Variants in SLC13A3 observed in about 807,000 individuals in gnomAD.
The protein encoded by SLC13A3 is Na(+)/dicarboxylate cotransporter 3.
SLC13A3 carries 40 observed loss-of-function variants against 59.0 expected under a neutral mutation model. That is an observed-to-expected ratio of 0.68 (90% CI 0.53 to 0.88). The LOEUF (loss-of-function observed/expected upper bound fraction) is 0.88. Among genes scored for constraint, SLC13A3 ranks in the 40% least tolerant of loss-of-function variants. The probability of loss-of-function intolerance (pLI) is 0.00; values close to 1 mark genes in which losing one functional copy is unlikely to be tolerated. For missense variants in SLC13A3, 699 were observed against 783.2 expected, an observed-to-expected ratio of 0.89 and a Z score of 1.28; for synonymous variants, 317 against 330.3, an observed-to-expected ratio of 0.96 and a Z score of 0.44.
At chr20:46,608,629 A>G (rs1174111303) in intron 3 of SLC13A3, 9 of 345,398 alleles carry the variant, frequency 2.6e-5, no homozygotes, top group Non-Finnish European at 5.3e-6. Context: ...AAATAAAATA[A>G]GCAGGACCCC....
At chr20:46,597,775 A>G (rs1369887010) in intron 4 of SLC13A3, among the ~76,000 whole-genome samples, 1 of 152,256 alleles carries the variant, frequency 6.6e-6, no homozygotes, top group Non-Finnish European at 1.5e-5. Context: ...GAAATAGTCT[A>G]GAATGGTATT....
intron 3 of SLC13A3, among the ~76,000 whole-genome samples, chr20:46,603,549 ATTTTTTT>A (rs111841623): frequency 1.6e-5 from 2 of 126,386 alleles, no homozygotes; most frequent in Admixed American, 8.2e-5. Context: ...TAATTGTTGT[ATTTTTTT>A]TTTTTTTTTT....
chr20:46,642,318 T>C (rs1311196619), intron 1 of SLC13A3, among the ~76,000 whole-genome samples: 1 of 152,208 alleles, frequency 6.6e-6, no homozygotes, highest in East Asian at 1.9e-4. Context: ...TGGGTGTCAT[T>C]TTAAATTCTA....
At chr20:46,609,862 C>G (rs1455881679) in intron 3 of SLC13A3, among the ~76,000 whole-genome samples, 2 of 152,170 alleles carry the variant, frequency 1.3e-5, no homozygotes, top group Non-Finnish European at 2.9e-5. Flanking sequence ...CCTCCTGGAC[C>G]TATAGGAGAA....
rs763538568 is a variant in SLC13A3 at position 46,588,173 on chromosome 20, A to G, written c.1017-10T>C. 1.3e-6 allele frequency: 2 copies of G among 1,577,052 alleles called. No individual in the cohort carries two copies. ...AGCCTGTTCGGCAAACCTGTGGCAC[A>G]GACATGCAGGCATGATGGTGACCCC... On this transcript the variant is annotated splice_polypyrimidine_tract_variant and intron_variant, in intron 7 of 12. Transcript: ENST00000279027.
intron 5 of SLC13A3, among the ~76,000 whole-genome samples, chr20:46,594,944 C>T (rs1162514439): frequency 6.6e-6 from 1 of 152,162 alleles, no homozygotes; most frequent in African/African-American, 2.4e-5. Context: ...ATGTATGTTA[C>T]TGAGGGTTGC....
chr20:46,598,019 T>C (rs927830430), intron 4 of SLC13A3, among the ~76,000 whole-genome samples: 1 of 152,210 alleles, frequency 6.6e-6, no homozygotes, highest in Non-Finnish European at 1.5e-5. Flanking sequence ...TTTTTATTTG[T>C]CAATTATACT....
intron 10 of SLC13A3, among the ~76,000 whole-genome samples, chr20:46,570,741 C>A (rs573750340): frequency 2.0e-5 from 3 of 152,266 alleles, no homozygotes; most frequent in African/African-American, 7.2e-5. Context: ...ACCATCTGTA[C>A]AATTATCTCC....
chr20:46,583,270 T>C (rs956048837), intron 9 of SLC13A3: 1 of 691,220 alleles, frequency 1.4e-6, no homozygotes, highest in Non-Finnish European at 1.9e-6. Flanking sequence ...TGTAGTAAAA[T>C]GTTTTTCTTT....
In SLC13A3 at chr20:46,613,663, C is replaced by T. The variant is rs146455008; in HGVS notation, c.174G>A (p.Pro58=). 1.4e-5 allele frequency: 23 copies of T among 1,611,876 alleles called. No homozygotes were observed. The highest frequency in any genetic ancestry group is 5.3e-5 in the African/African-American group (4 of 74,922). Residue 58 remains proline, a synonymous_variant, in exon 2 of 13, where the codon CCG becomes CCA. Transcript: ENST00000279027. The part of the protein sequence containing the change: ...MAVYWCTEAL[P]LSVTALLPIV... ...TGGGCAGCAGCGCCGTCACTGAGAG[C>T]GGCAGGGCCTCCGTGCACCAGTACA... is the stretch of plus-strand genomic sequence containing the variant.
At chr20:46,638,808 G>A (rs2062819690) in intron 1 of SLC13A3, among the ~76,000 whole-genome samples, 1 of 152,184 alleles carries the variant, frequency 6.6e-6, no homozygotes, top group African/African-American at 2.4e-5. Context: ...GGGGCCTGAG[G>A]ATTCTCTGTG....
At chr20:46,630,736 A>G (rs1408707498) in intron 1 of SLC13A3, among the ~76,000 whole-genome samples, 1 of 152,230 alleles carries the variant, frequency 6.6e-6, no homozygotes, top group Non-Finnish European at 1.5e-5. Context: ...TTTCTTTTGC[A>G]TATCTGTATT....
chr20:46,628,158 G>C (rs2062696359), intron 1 of SLC13A3, among the ~76,000 whole-genome samples: 1 of 152,216 alleles, frequency 6.6e-6, no homozygotes, highest in African/African-American at 2.4e-5. Flanking sequence ...CAGGTAGGAA[G>C]GAGTGTGGGG....
intron 1 of SLC13A3, among the ~76,000 whole-genome samples, chr20:46,656,909 G>A (rs531814229): frequency 2.9e-4 from 44 of 152,042 alleles, no homozygotes; most frequent in Middle Eastern, 3.4e-3. Context: ...GAACCCATCC[G>A]TTGTATAATA....
At chr20:46,661,565 C>T (rs534077888) in intron 1 of SLC13A3, among the ~76,000 whole-genome samples, 13 of 152,290 alleles carry the variant, frequency 8.5e-5, no homozygotes, top group South Asian at 2.1e-4. Context: ...TTGTGTAGAG[C>T]CAAGTTGCCA....
rs1178402672 is a variant in SLC13A3 at position 46,582,623 on chromosome 20, A to G, written c.1219+949T>C. On this transcript the variant is annotated intron_variant, in intron 9 of 12. Transcript: ENST00000279027. ...ATTAAAAAAAAAAGAAGAAGAAGAA[A>G]GAAAGAACTGTTTATGGAGCTTGCA... The G allele has an allele frequency of 4.1e-6, 4 of 984,694 alleles. No homozygotes were observed. In the East Asian group the frequency reaches 3.4e-4, roughly 85 times the overall value. The allele number at this position is 984,694 out of a possible 1,614,324, so 61.0% of individuals were successfully genotyped here.
intron 1 of SLC13A3, among the ~76,000 whole-genome samples, chr20:46,677,671 A>C (rs1221199858): frequency 6.6e-6 from 1 of 152,192 alleles, no homozygotes; most frequent in Admixed American, 6.5e-5. Flanking sequence ...ATGCCATCTT[A>C]TCTAAAGGTT....
At chr20:46,631,862 G>T (rs1230363168) in intron 1 of SLC13A3, among the ~76,000 whole-genome samples, 2 of 152,102 alleles carry the variant, frequency 1.3e-5, no homozygotes, top group Non-Finnish European at 2.9e-5. Flanking sequence ...GCATACACAA[G>T]GCAACTTTTT....
chr20:46,605,106 T>C (rs1362602617), intron 3 of SLC13A3, among the ~76,000 whole-genome samples: 1 of 152,256 alleles, frequency 6.6e-6, no homozygotes, highest in Non-Finnish European at 1.5e-5. Flanking sequence ...TTGTATGTGC[T>C]ATAAATAAGG....
Sources: gnomAD v4.1 joint callset for allele counts (sites outside exome capture counted in the v4.1 genomes callset) on GRCh38, gnomAD v4.1.1 for gene constraint, MANE v1.5 for transcripts, NCBI Gene and HGNC (gene_info 2026-07-23, HGNC 2026-07-21) for gene names.